Variants in KHDRBS3 observed in about 807,000 individuals in gnomAD.
KHDRBS3 encodes KH domain-containing, RNA-binding, signal transduction-associated protein 3.
Under a neutral mutation model 45.6 loss-of-function variants are expected in KHDRBS3, and 23 were observed. The ratio of observed to expected loss-of-function variants is 0.50; its 90% confidence interval spans 0.36 to 0.72. The LOEUF (loss-of-function observed/expected upper bound fraction) is 0.72. Among genes scored for constraint, KHDRBS3 ranks in the 30% least tolerant of loss-of-function variants. KHDRBS3 has a pLI of 0.00. For missense variants in KHDRBS3, 352 were observed against 424.8 expected (o/e 0.83, Z 1.51); for synonymous variants, 162 against 156.5 (o/e 1.04, Z -0.26).
chr8:135,501,062 A>G (rs1823711876), intron 1 of KHDRBS3, among the ~76,000 whole-genome samples: 1 of 152,176 alleles, frequency 6.6e-6, no homozygotes, highest in Admixed American at 6.5e-5. Context: ...TTTGAAGATT[A>G]ATTAAGATGG....
At chr8:135,471,777 G>T (rs760042317) in intron 1 of KHDRBS3, among the ~76,000 whole-genome samples, 2 of 152,222 alleles carry the variant, frequency 1.3e-5, no homozygotes, top group Non-Finnish European at 2.9e-5. Context: ...CTGGCTTACA[G>T]TGTGCAGTGA....
intron 6 of KHDRBS3, among the ~76,000 whole-genome samples, chr8:135,603,502 A>T (rs1056334252): frequency 2.0e-5 from 3 of 152,204 alleles, no homozygotes; most frequent in African/African-American, 7.2e-5. Flanking sequence ...TTCAGCTACT[A>T]TGAAGAACAC....
chr8:135,653,048 C>T (rs187121537), intron 4 of KHDRBS3, among the ~76,000 whole-genome samples: 6 of 152,312 alleles, frequency 3.9e-5, no homozygotes, highest in African/African-American at 1.2e-4. Flanking sequence ...CTCATTTGAA[C>T]TGCTGCTGGC....
At chr8:135,586,056 C>A (rs1828456085) in intron 6 of KHDRBS3, among the ~76,000 whole-genome samples, 1 of 152,110 alleles carries the variant, frequency 6.6e-6, no homozygotes, top group South Asian at 2.1e-4. Flanking sequence ...AACAGAAAAA[C>A]CTACTGTAAA....
At chr8:135,653,796 G>T (rs186552917) in intron 4 of KHDRBS3, among the ~76,000 whole-genome samples, 1 of 152,200 alleles carries the variant, frequency 6.6e-6, no homozygotes, top group African/African-American at 2.4e-5. Context: ...GGTTTATGAG[G>T]ACATAACCCC....
At chr8:135,637,412 C>T (rs1830859554) in intron 7 of KHDRBS3, among the ~76,000 whole-genome samples, 1 of 152,156 alleles carries the variant, frequency 6.6e-6, no homozygotes, top group Non-Finnish European at 1.5e-5. Context: ...ATGCATGACT[C>T]TTTACATTTT....
chr8:135,643,875 G>A (rs1307427344), intron 7 of KHDRBS3, among the ~76,000 whole-genome samples: 2 of 152,180 alleles, frequency 1.3e-5, no homozygotes, highest in Non-Finnish European at 2.9e-5. Flanking sequence ...GGATCTCAGC[G>A]GCTGGTGTTC....
chr8:135,566,387 G>A (rs893643175), intron 5 of KHDRBS3, among the ~76,000 whole-genome samples: 1 of 152,102 alleles, frequency 6.6e-6, no homozygotes, highest in Non-Finnish European at 1.5e-5. Flanking sequence ...ATGTTGAAAT[G>A]TTATAATAAA....
At chr8:135,461,278 T>C (rs1563693390) in intron 1 of KHDRBS3, among the ~76,000 whole-genome samples, 1 of 152,260 alleles carries the variant, frequency 6.6e-6, no homozygotes, top group East Asian at 1.9e-4. Flanking sequence ...TTAATTTTTG[T>C]ATTTTTAGTA....
intron 7 of KHDRBS3, among the ~76,000 whole-genome samples, chr8:135,643,004 A>G (rs886074259): frequency 3.2e-4 from 48 of 152,024 alleles, no homozygotes; most frequent in Non-Finnish European, 4.7e-4. Context: ...CATGTTGGCC[A>G]GGATGGTCTC....
intron 5 of KHDRBS3, 34 bp downstream of exon 5, chr8:135,557,621 G>A (rs756636340): frequency 1.3e-5 from 20 of 1,540,170 alleles, no homozygotes; most frequent in Middle Eastern, 1.7e-4. Flanking sequence ...TTAACATACC[G>A]TGGCAGCAGT....
intron 3 of KHDRBS3, among the ~76,000 whole-genome samples, chr8:135,546,620 G>T (rs1046199659): frequency 2.0e-5 from 3 of 152,100 alleles, no homozygotes; most frequent in African/African-American, 7.2e-5. Context: ...CTTATTATGT[G>T]CAAGGCTTCA....
At chr8:135,520,415 C>G (rs1379510702) in intron 1 of KHDRBS3, among the ~76,000 whole-genome samples, 2 of 152,040 alleles carry the variant, frequency 1.3e-5, no homozygotes, top group Non-Finnish European at 2.9e-5. Context: ...CTAAAATTTT[C>G]TAGGATCTGG....
At chr8:135,583,246 A>C (rs940397226) in intron 6 of KHDRBS3, among the ~76,000 whole-genome samples, 12 of 152,230 alleles carry the variant, frequency 7.9e-5, no homozygotes, top group African/African-American at 2.9e-4. Flanking sequence ...GAGAGAGTGC[A>C]TACTGGGAGC....
chr8:135,610,310 C>T (rs765476844), intron 7 of KHDRBS3, among the ~76,000 whole-genome samples: 8 of 151,862 alleles, frequency 5.3e-5, no homozygotes, highest in Non-Finnish European at 1.2e-4. Flanking sequence ...AGTTAATATA[C>T]ATGATGAAAC....
At chr8:135,642,324 G>A (rs563305690) in intron 7 of KHDRBS3, among the ~76,000 whole-genome samples, 1 of 152,338 alleles carries the variant, frequency 6.6e-6, no homozygotes, top group East Asian at 1.9e-4. Flanking sequence ...TGGGCAGATG[G>A]CTCAGCTTGG....
intron 7 of KHDRBS3, among the ~76,000 whole-genome samples, chr8:135,635,532 C>A (rs928995197): frequency 6.6e-6 from 1 of 152,146 alleles, no homozygotes; most frequent in African/African-American, 2.4e-5. Flanking sequence ...TATAGGCATG[C>A]GCCACCATGC....
At chr8:135,544,487 C>A (rs894563854) in intron 3 of KHDRBS3, among the ~76,000 whole-genome samples, 1 of 152,240 alleles carries the variant, frequency 6.6e-6, no homozygotes, top group East Asian at 1.9e-4. Context: ...CTGCTGTTGG[C>A]ATATTGGACA....
chr8:135,563,799 TCTCCTAACA>T (rs1181138765), intron 5 of KHDRBS3, among the ~76,000 whole-genome samples: 3 of 152,180 alleles, frequency 2.0e-5, no homozygotes, highest in Non-Finnish European at 4.4e-5. Context: ...CTTCTGTTCC[TCTCCTAACA>T]CTCGGTGGCT....
Sources: allele counts gnomAD v4.1 joint callset (sites outside exome capture counted in the v4.1 genomes callset), GRCh38; gene constraint gnomAD v4.1.1; transcripts MANE v1.5; gene names NCBI Gene and HGNC (gene_info 2026-07-23, HGNC 2026-07-21).